The following SEPTIN9 variants were observed in gnomAD, a reference collection of about 807,000 sequenced individuals.
The protein encoded by SEPTIN9 is septin 9.
SEPTIN9 carries 13 observed loss-of-function variants against 56.6 expected under a neutral mutation model. That is an observed-to-expected ratio of 0.23 (90% CI 0.15 to 0.37). The LOEUF (loss-of-function observed/expected upper bound fraction) is 0.37. SEPTIN9 is among the 10% of genes least tolerant of loss of function. The probability of loss-of-function intolerance (pLI) is 1.00; values close to 1 mark genes in which losing one functional copy is unlikely to be tolerated. For missense variants in SEPTIN9, 650 were observed against 823.1 expected (o/e 0.79, Z 2.57); for synonymous variants, 332 against 334.1 (o/e 0.99, Z 0.07).
intron 1 of SEPTIN9, among the ~76,000 whole-genome samples, chr17:77,290,450 G>A (rs1187385162): frequency 2.6e-5 from 4 of 151,478 alleles, no homozygotes; most frequent in African/African-American, 7.3e-5. Context: ...TAGTAGAGGC[G>A]GGGTTTCACC....
At chr17:77,304,864 G>T (rs1012238956) in intron 1 of SEPTIN9, among the ~76,000 whole-genome samples, 1 of 152,178 alleles carries the variant, frequency 6.6e-6, no homozygotes, top group Admixed American at 6.5e-5. Flanking sequence ...GTGTGTGAAG[G>T]GGGTGCTCAT....
At chr17:77,380,540 G>A (rs1214206276) in intron 2 of SEPTIN9, among the ~76,000 whole-genome samples, 1 of 152,008 alleles carries the variant, frequency 6.6e-6, no homozygotes, top group African/African-American at 2.4e-5. Context: ...ACATTGCAGT[G>A]CCCTCCTCCC....
intron 3 of SEPTIN9, among the ~76,000 whole-genome samples, chr17:77,413,678 A>C (rs996549203): frequency 5.6e-5 from 7 of 125,558 alleles, no homozygotes; most frequent in African/African-American, 2.0e-4. Context: ...AGTCTTGAGT[A>C]GGTAGTGACG....
In SEPTIN9 at chr17:77,319,231, C is replaced by T. The variant is rs2032812464; in HGVS notation, c.76+12034C>T. Among the ~76,000 whole-genome samples the T allele has an allele frequency of 6.6e-6, 1 of 152,196 alleles. No homozygotes were observed. The highest frequency in any genetic ancestry group is 1.5e-5 in the Non-Finnish European group (1 of 68,026). Reference sequence around the variant, plus strand: ...ATGCCCCTGATTCCCACCCCAGGGACCCACATTGTAAACCCCCACCTGCTC... The same window carrying T: ...ATGCCCCTGATTCCCACCCCAGGGATCCACATTGTAAACCCCCACCTGCTC... On this transcript the variant is annotated intron_variant, in intron 2 of 11. Transcript: ENST00000427177. This position sits in a 1 kb window ranked among gnomAD's most constrained non-coding sequence, Gnocchi z 5.3.
intron 2 of SEPTIN9, among the ~76,000 whole-genome samples, chr17:77,365,760 A>G (rs1255353610): frequency 6.6e-6 from 1 of 152,182 alleles, no homozygotes; most frequent in East Asian, 1.9e-4. Context: ...AGGCATTGTT[A>G]GAACATGGAG....
chr17:77,426,232 G>A (rs1042571473), intron 3 of SEPTIN9, among the ~76,000 whole-genome samples: 3 of 152,034 alleles, frequency 2.0e-5, no homozygotes, highest in African/African-American at 7.3e-5. Context: ...CTGACCGCCT[G>A]TCCTACACAG....
chr17:77,295,192 A>C (rs2031754180), intron 1 of SEPTIN9, among the ~76,000 whole-genome samples: 2 of 152,136 alleles, frequency 1.3e-5, no homozygotes, highest in African/African-American at 4.8e-5. Flanking sequence ...TTTTACAAAA[A>C]ATGTTTGACC....
intron 2 of SEPTIN9, among the ~76,000 whole-genome samples, chr17:77,335,206 T>C (rs12937033): frequency 0.052 from 7,788 of 149,300 alleles, 282 homozygotes; most frequent in Admixed American, 0.11. Context: ...ATGTAGGCCC[T>C]GTGTTGACTG....
Position 77,367,793 on chromosome 17 carries a change from G to A in SEPTIN9, c.77-34266G>A, listed in dbSNP as rs2034614732. Among the ~76,000 whole-genome samples, 1 of 152,146 alleles carries A rather than the reference G, an allele frequency of 6.6e-6. No homozygotes were observed. The highest frequency in any genetic ancestry group is 6.5e-5 in the Admixed American group (1 of 15,274). ...ATCACGCCACTACACTACAGCCCGGGCGACAGAGTGAGACTGTCTAAAATA... is the reference window on the plus strand; with the variant it reads ...ATCACGCCACTACACTACAGCCCGGACGACAGAGTGAGACTGTCTAAAATA... On this transcript the variant is annotated intron_variant, in intron 2 of 11. Coordinates refer to ENST00000427177, the MANE Select transcript of SEPTIN9 (RefSeq NM_001113491.2). The surrounding 1 kb of genome is among the most constrained non-coding windows in gnomAD (Gnocchi z 4.5).
intron 1 of SEPTIN9, among the ~76,000 whole-genome samples, chr17:77,297,265 T>C (rs953320319): frequency 1.3e-5 from 2 of 152,160 alleles, no homozygotes; most frequent in African/African-American, 4.8e-5. Context: ...CCTGGGGAAC[T>C]GCTGGAGAAC....
intron 1 of SEPTIN9, among the ~76,000 whole-genome samples, chr17:77,291,371 G>GCT (rs2031544829): frequency 6.6e-6 from 1 of 151,418 alleles, no homozygotes; most frequent in Non-Finnish European, 1.5e-5. Context: ...GTAGCAGCCG[G>GCT]GCGCGGTGGC....
chr17:77,341,542 A>G (rs2033724251), intron 2 of SEPTIN9, among the ~76,000 whole-genome samples: 1 of 152,230 alleles, frequency 6.6e-6, no homozygotes, highest in Non-Finnish European at 1.5e-5. Flanking sequence ...TGGGAGGCCG[A>G]GGCAGGTGGA....
chr17:77,360,189 A>T (rs964365536), intron 2 of SEPTIN9, among the ~76,000 whole-genome samples: 10 of 149,130 alleles, frequency 6.7e-5, no homozygotes, highest in Admixed American at 2.0e-4. Context: ...ACCCAGGGCC[A>T]GGTCTGTAGC....
At chr17:77,477,833 T>A (rs1490226233) in intron 3 of SEPTIN9, among the ~76,000 whole-genome samples, 1 of 152,080 alleles carries the variant, frequency 6.6e-6, no homozygotes, top group Non-Finnish European at 1.5e-5. Flanking sequence ...ACTGTCCAAA[T>A]CAGAACCTTT....
chr17:77,295,357 C>G (rs532013638), intron 1 of SEPTIN9, among the ~76,000 whole-genome samples: 3 of 152,178 alleles, frequency 2.0e-5, no homozygotes, highest in Non-Finnish European at 4.4e-5. Flanking sequence ...GTCCTGTGAC[C>G]AGAGTCCAGG....
intron 3 of SEPTIN9, among the ~76,000 whole-genome samples, chr17:77,423,450 G>T (rs2036777357): frequency 1.3e-5 from 2 of 152,334 alleles, no homozygotes; most frequent in South Asian, 4.1e-4. Flanking sequence ...CACCCAGATG[G>T]CGGCCTGGAG....
chr17:77,498,419 GGCA>G, intron 11 of SEPTIN9, 101 bp from the exon 12 acceptor site: 2 of 725,572 alleles, frequency 2.8e-6, no homozygotes, highest in Non-Finnish European at 2.4e-6. Flanking sequence ...TGGGGGTGGG[GGCA>G]GGCGGGCCTG....
At chr17:77,376,137 A>AAG in intron 2 of SEPTIN9, 1 of 986,810 alleles carries the variant, frequency 1.0e-6, no homozygotes, top group Non-Finnish European at 1.2e-6. Flanking sequence ...TTGCAAGAGG[A>AAG]AGGAGAGCCT....
intron 3 of SEPTIN9, among the ~76,000 whole-genome samples, chr17:77,461,130 C>T (rs1302181962): frequency 6.6e-6 from 1 of 151,840 alleles, no homozygotes; most frequent in Non-Finnish European, 1.5e-5. Context: ...CATGGAGAAA[C>T]CCTACCTCTA....
Sources: gnomAD v4.1 joint callset for allele counts (sites outside exome capture counted in the v4.1 genomes callset) on GRCh38, gnomAD v4.1.1 for gene constraint, Gnocchi (gnomAD v3.1) non-coding constraint, MANE v1.5 for transcripts, NCBI Gene and HGNC (gene_info 2026-07-23, HGNC 2026-07-21) for gene names.